Variants in PPP3CA observed in about 807,000 individuals in gnomAD.
The protein encoded by PPP3CA is protein phosphatase 3 catalytic subunit alpha, also known as CAM-PRP catalytic subunit.
A neutral mutation model predicts 66.5 loss-of-function variants in PPP3CA; 14 were observed. That is an observed-to-expected ratio of 0.21 (90% CI 0.14 to 0.33). PPP3CA has a LOEUF of 0.33. Ranked by LOEUF, PPP3CA falls within the 10% of genes least tolerant of loss-of-function variation. The pLI is 1.00. For synonymous variants in PPP3CA, 232 were observed against 226.2 expected, an observed-to-expected ratio of 1.03 and a Z score of -0.23; for missense variants, 317 against 639.5, an observed-to-expected ratio of 0.50 and a Z score of 5.44.
intron 6 of PPP3CA, among the ~76,000 whole-genome samples, chr4:101,088,275 C>T (rs763300254): frequency 1.1e-4 from 16 of 152,126 alleles, no homozygotes; most frequent in Non-Finnish European, 1.8e-4. Context: ...AAGGCAGGGA[C>T]TCAGCATCTA....
rs188880808 is a variant in PPP3CA, at chr4:101,057,007, C to T, written c.1156+4080G>A. Among the ~76,000 whole-genome samples the T allele has an allele frequency of 1.3e-3, 195 of 152,112 alleles. 2 individuals carry two copies. In the Middle Eastern group the frequency reaches 0.017, roughly 13 times the overall value. On this transcript the variant is annotated intron_variant, in intron 10 of 13. Coordinates refer to ENST00000394854, the MANE Select transcript of PPP3CA (RefSeq NM_000944.5). ...TTTTGATGTCATGTTACATTAAATG[C>T]TAGGACTCCTGATTGCTTATACTGA...
In PPP3CA at chr4:101,040,608, C is replaced by G. The variant is rs111325412; in HGVS notation, c.1157-42G>C. 27 of 1,513,470 alleles carry G rather than the reference C, an allele frequency of 1.8e-5. No homozygotes were observed. In the African/African-American group the frequency reaches 2.9e-4, roughly 16 times the overall value. The allele number at this position is 1,513,470 out of a possible 1,614,324, so 93.8% of individuals were successfully genotyped here. On this transcript the variant is annotated intron_variant, in intron 10 of 13. Transcript: ENST00000394854. The stretch of plus-strand genomic sequence containing the variant: ...AGTTCAGTGGTCAGTAATTTTTTAT[C>G]TAATTGTAATTGATTTTACACATTT...
intron 9 of PPP3CA, among the ~76,000 whole-genome samples, chr4:101,062,041 C>G (rs1379521014): frequency 6.6e-6 from 1 of 151,944 alleles, no homozygotes; most frequent in Admixed American, 6.6e-5. Flanking sequence ...GTTTAATTAT[C>G]AAAACTGGAT....
chr4:101,066,549 T>C (rs774591888), intron 8 of PPP3CA, among the ~76,000 whole-genome samples: 1 of 152,136 alleles, frequency 6.6e-6, no homozygotes, highest in East Asian at 1.9e-4. Context: ...AAATTAAAAA[T>C]GAAACTACAA....
intron 10 of PPP3CA, among the ~76,000 whole-genome samples, chr4:101,049,222 C>T (rs995536034): frequency 6.6e-6 from 1 of 152,100 alleles, no homozygotes; most frequent in African/African-American, 2.4e-5. Context: ...GGTTGAGTCG[C>T]AGAAGCTGAC....
intron 8 of PPP3CA, among the ~76,000 whole-genome samples, chr4:101,068,407 G>A (rs1374261066): frequency 6.6e-6 from 1 of 152,140 alleles, no homozygotes; most frequent in Non-Finnish European, 1.5e-5. Context: ...TCCTGAAGCA[G>A]GACCCATGCA....
chr4:101,042,409 G>T (rs1727564747), intron 10 of PPP3CA, among the ~76,000 whole-genome samples: 1 of 152,084 alleles, frequency 6.6e-6, no homozygotes, highest in Non-Finnish European at 1.5e-5. Context: ...TGGCAACTAT[G>T]CCATGGCAGG....
chr4:101,215,834 A>G (rs977352205), intron 1 of PPP3CA, among the ~76,000 whole-genome samples: 16 of 152,148 alleles, frequency 1.1e-4, no homozygotes, highest in Non-Finnish European at 1.8e-4. Context: ...TCAATGTGAC[A>G]TATTTTTCCA....
At chr4:101,150,556 T>C (rs1723105503) in intron 2 of PPP3CA, among the ~76,000 whole-genome samples, 1 of 152,230 alleles carries the variant, frequency 6.6e-6, no homozygotes, top group South Asian at 2.1e-4. Context: ...ATGATTGGTA[T>C]CACTATTAGA....
chr4:101,252,936 TA>T (rs1283332807), intron 1 of PPP3CA, among the ~76,000 whole-genome samples: 1 of 152,196 alleles, frequency 6.6e-6, no homozygotes. Context: ...CTGCTGACTC[TA>T]AGAGGTTGCT....
chr4:101,034,890 A>T (rs899207122), intron 11 of PPP3CA, among the ~76,000 whole-genome samples: 7 of 152,224 alleles, frequency 4.6e-5, no homozygotes, highest in Admixed American at 4.6e-4. Flanking sequence ...TTTCTTTTAC[A>T]TTCATATTCA....
intron 2 of PPP3CA, among the ~76,000 whole-genome samples, chr4:101,119,565 A>T (rs1456306664): frequency 2.0e-5 from 3 of 152,116 alleles, no homozygotes; most frequent in African/African-American, 7.2e-5. Flanking sequence ...TGGAAAACTC[A>T]GTTAAGGAAA....
chr4:101,304,347 C>A (rs1317354752), intron 1 of PPP3CA, among the ~76,000 whole-genome samples: 2 of 152,008 alleles, frequency 1.3e-5, no homozygotes, highest in Non-Finnish European at 2.9e-5. Context: ...ATGGAAATGT[C>A]ATTTCTTCAT....
chr4:101,195,972 C>A lies in PPP3CA; in HGVS notation c.203G>T (p.Gly68Val). The A allele has an allele frequency of 6.2e-7, 1 of 1,613,990 alleles. No homozygotes were observed. Among genetic ancestry groups the A allele is most frequent in the Non-Finnish European group, 8.5e-7 (1 of 1,179,954 alleles). Residue 68 changes from glycine to valine, a missense_variant, in exon 2 of 14, where the codon GGT (glycine) becomes GTT (valine). This residue lies in a region of PPP3CA where 76 missense variants were observed against 99.5 expected (regional missense o/e 0.76). Transcript: ENST00000394854. Reference protein sequence around the residue: ...ESVALRIITEGASILRQEKNL... With the variant: ...ESVALRIITEVASILRQEKNL... The stretch of plus-strand genomic sequence containing the variant: ...TTTTTCCTGTCGAAGAATTGATGCA[C>A]CCTCTGTTATTATTCTCAATGCAAC...
chr4:101,257,866 T>G (rs1360244934), intron 1 of PPP3CA, among the ~76,000 whole-genome samples: 1 of 152,152 alleles, frequency 6.6e-6, no homozygotes, highest in East Asian at 1.9e-4. Flanking sequence ...AGGTATTATC[T>G]TTGTTTCCAA....
At chr4:101,292,019 C>T (rs908956008) in intron 1 of PPP3CA, among the ~76,000 whole-genome samples, 2 of 150,896 alleles carry the variant, frequency 1.3e-5, no homozygotes, top group African/African-American at 4.9e-5. Flanking sequence ...CTCAGCTATT[C>T]GAGAGACTGA....
intron 1 of PPP3CA, among the ~76,000 whole-genome samples, chr4:101,259,157 T>C (rs1359687916): frequency 1.3e-5 from 2 of 152,150 alleles, no homozygotes; most frequent in African/African-American, 2.4e-5. Flanking sequence ...TCTATCATCA[T>C]TCCTCTCCAG....
At chr4:101,145,341 TG>T (rs1722936183) in intron 2 of PPP3CA, among the ~76,000 whole-genome samples, 1 of 152,154 alleles carries the variant, frequency 6.6e-6, no homozygotes, top group South Asian at 2.1e-4. Flanking sequence ...TGTACTCTCA[TG>T]TTTATTGCAG....
intron 1 of PPP3CA, among the ~76,000 whole-genome samples, chr4:101,291,813 G>C (rs1177239977): frequency 1.3e-5 from 2 of 152,066 alleles, no homozygotes; most frequent in Non-Finnish European, 2.9e-5. Context: ...CACTAGGCTT[G>C]ACAGTGGTAT....
Sources: allele counts gnomAD v4.1 joint callset (sites outside exome capture counted in the v4.1 genomes callset), GRCh38; gene constraint gnomAD v4.1.1; regional missense constraint gnomAD v4.1.1; transcripts MANE v1.5; gene names NCBI Gene and HGNC (gene_info 2026-07-23, HGNC 2026-07-21).